Variants in P2RX1 observed in about 807,000 individuals in gnomAD.
P2RX1 encodes purinergic receptor P2X 1.
In P2RX1, 42 loss-of-function variants were observed where a neutral mutation model predicts 50.3. That is an observed-to-expected ratio of 0.83 (90% CI 0.65 to 1.08). P2RX1 has a LOEUF of 1.08. Ranked by LOEUF, P2RX1 falls within the 50% of genes least tolerant of loss-of-function variation. The pLI, the probability that P2RX1 is intolerant of heterozygous loss-of-function variation, is 0.00. For synonymous variants in P2RX1, 199 were observed against 202.6 expected, an observed-to-expected ratio of 0.98 and a Z score of 0.15; for missense variants, 449 against 529.0, an observed-to-expected ratio of 0.85 and a Z score of 1.48.
At chr17:3,908,787 C>T (rs1340674686) in intron 1 of P2RX1, among the ~76,000 whole-genome samples, 1 of 152,178 alleles carries the variant, frequency 6.6e-6, no homozygotes, top group Non-Finnish European at 1.5e-5. Flanking sequence ...ATGGCCTTCT[C>T]AAGGAAGAGG....
In P2RX1 at chr17:3,915,937, A is replaced by C. The variant is rs759314979; in HGVS notation, c.137+152T>G. 9.1e-5 allele frequency: 88 copies of C among 967,958 alleles called. No homozygotes were observed. In the East Asian group the frequency reaches 2.3e-3, roughly 25 times the overall value. 60.0% of individuals were successfully genotyped at this position (967,958 alleles called of 1,614,324 possible). On this transcript the variant is annotated intron_variant, in intron 1 of 11. Coordinates refer to ENST00000225538, the MANE Select transcript of P2RX1 (RefSeq NM_002558.4). ...CCCATCTCAACAGCGAGTTGGCAGG[A>C]TTTTCTATTCTCGCACAGTGGCTTG...
At position 3,898,553 on chromosome 17, in the gene P2RX1, G is replaced by A. The variant is rs199689368; in HGVS notation, c.967-4C>T. The A allele has an allele frequency of 6.2e-7, 1 of 1,612,954 alleles. No individual in the cohort carries two copies. The highest frequency in any genetic ancestry group is 8.5e-7 in the Non-Finnish European group (1 of 1,178,946). ...GGATGATGTCAAACTTCCCGGCCTG[G>A]TGGCAGGACCCAGGGAGAGAAGGGC... On this transcript the variant is annotated splice_region_variant and splice_polypyrimidine_tract_variant and intron_variant, in intron 9 of 11. Coordinates refer to ENST00000225538, the MANE Select transcript of P2RX1 (RefSeq NM_002558.4).
intron 8 of P2RX1, 38 bp from the exon 9 acceptor site, chr17:3,899,062 G>A: frequency 2.1e-6 from 3 of 1,456,410 alleles, no homozygotes; most frequent in South Asian, 1.1e-5. Flanking sequence ...GGTGATGGAG[G>A]GGACTGTCTT....
chr17:3,913,243 A>C (rs1177896263), intron 1 of P2RX1, among the ~76,000 whole-genome samples: 2 of 150,180 alleles, frequency 1.3e-5, no homozygotes, highest in African/African-American at 4.9e-5. Context: ...CTGCTGCCTC[A>C]GCCTCCCAAG....
At chr17:3,899,485 C>G in intron 8 of P2RX1, 149 bp downstream of exon 8, 1 of 1,050,592 alleles carries the variant, frequency 9.5e-7, no homozygotes, top group South Asian at 1.3e-5. Flanking sequence ...TCCCTGCTGG[C>G]TTCCTGCATG....
rs138831466 is a variant in P2RX1, at chr17:3,916,154, C to T, written c.72G>A (p.Val24=). The T allele has an allele frequency of 3.5e-4, 567 of 1,613,616 alleles. 3 individuals are homozygous for T. The African/African-American group carries it at 6.4e-3, about 18-fold the overall frequency. Residue 24 remains valine (V), a synonymous_variant, in exon 1 of 12, where the codon GTG becomes GTA. Coordinates refer to ENST00000225538, the MANE Select transcript of P2RX1 (RefSeq NM_002558.4). ...AGATAACGCCCACCTTCTTATTACG[C>T]ACCAGCACCATGCGGGGGGTGTCAT... is the stretch of plus-strand genomic sequence containing the variant. The part of the protein sequence containing the change: ...FEYDTPRMVL[V]RNKKVGVIFR...
rs755956410 is a variant in P2RX1, at chr17:3,903,905, T to C, written c.524+23A>G. ...TCTGGCCTGGGACCCTGTTCTTAGC[T>C]CTCTGGAAGGTCAGAGTGTTACCGC... On this transcript the variant is annotated intron_variant, in intron 5 of 11. Transcript: ENST00000225538. This position sits in a 1 kb window ranked among gnomAD's most constrained non-coding sequence, Gnocchi z 4.6. 5 of 1,587,846 alleles carry C rather than the reference T, an allele frequency of 3.1e-6. No individual in the cohort carries two copies. Among genetic ancestry groups the C allele is most frequent in the Non-Finnish European group, 4.3e-6 (5 of 1,156,008 alleles).
At chr17:3,906,693 T>G (rs562768281) in intron 1 of P2RX1, among the ~76,000 whole-genome samples, 4 of 152,196 alleles carry the variant, frequency 2.6e-5, no homozygotes, top group Non-Finnish European at 5.9e-5. Flanking sequence ...AATTCTGGCC[T>G]TGCCTTCCCA....
At chr17:3,898,242 G>C in intron 10 of P2RX1, 132 bp from the exon 11 acceptor site, 1 of 832,670 alleles carries the variant, frequency 1.2e-6, no homozygotes. Context: ...GTTTCCTGGA[G>C]GGTGGATGAG....
At chr17:3,900,963 A>C (rs888997550) in intron 7 of P2RX1, among the ~76,000 whole-genome samples, 1 of 152,224 alleles carries the variant, frequency 6.6e-6, no homozygotes, top group Admixed American at 6.5e-5. Flanking sequence ...TAGGCTGAGC[A>C]ACAGGAGAAG....
chr17:3,900,282 G>A (rs944204552), intron 7 of P2RX1, among the ~76,000 whole-genome samples: 8 of 151,586 alleles, frequency 5.3e-5, no homozygotes, highest in African/African-American at 7.3e-5. Context: ...ATGAAACCCC[G>A]TCTCTACTAA....
At chr17:3,912,609 G>A (rs2056384570) in intron 1 of P2RX1, among the ~76,000 whole-genome samples, 1 of 152,236 alleles carries the variant, frequency 6.6e-6, no homozygotes, top group African/African-American at 2.4e-5. Context: ...GGGATTACAG[G>A]CGTGAGCCAA....
chr17:3,907,551 C>T (rs777431989), intron 1 of P2RX1, among the ~76,000 whole-genome samples: 2 of 152,122 alleles, frequency 1.3e-5, no homozygotes, highest in Non-Finnish European at 2.9e-5. Flanking sequence ...GCTGCAGGCC[C>T]CAGGGAGGCC....
chr17:3,904,899 A>G lies in P2RX1; in HGVS notation c.316T>C (p.Phe106Leu). The G allele has an allele frequency of 7.4e-7, 1 of 1,351,970 alleles. No homozygotes were observed. Among genetic ancestry groups the G allele is most frequent in the Non-Finnish European group, 9.8e-7 (1 of 1,017,978 alleles). 83.7% of individuals were successfully genotyped at this position (1,351,970 alleles called of 1,614,324 possible). Residue 106 changes from phenylalanine (F) to leucine (L), a missense_variant, in exon 3 of 12, where the codon TTC becomes CTC. Physicochemically the swap from Phe to Leu is conservative, Grantham distance 22 (BLOSUM62 0). Coordinates refer to ENST00000225538, the MANE Select transcript of P2RX1 (RefSeq NM_002558.4). ...GDNSFVVMTN[F>L]IVTPKQTQGY... ...TGAGTCTGCTTCGGGGTCACGATGA[A>G]ATTGGTCATGACCACGAAGGAGTTG...
intron 9 of P2RX1, 35 bp from the exon 10 acceptor site, chr17:3,898,584 G>T (rs368837981): frequency 6.5e-7 from 1 of 1,544,800 alleles, no homozygotes. Flanking sequence ...AGGGCTAACC[G>T]TCGGAAGGGG....
In P2RX1 at chr17:3,903,107, C is replaced by T; in HGVS notation, c.747+95G>A. On this transcript the variant is annotated intron_variant, in intron 7 of 11. Transcript: ENST00000225538. This position sits in a 1 kb window ranked among gnomAD's most constrained non-coding sequence, Gnocchi z 4.6. Reference sequence around the variant, plus strand: ...GACCCATACATATACTCAGCCCTCACCGAGGAGACTTGGGAAGATGAACTG... The same window carrying T: ...GACCCATACATATACTCAGCCCTCATCGAGGAGACTTGGGAAGATGAACTG... 3 of 1,556,276 alleles carry T rather than the reference C, an allele frequency of 1.9e-6. No individual in the cohort carries two copies. The highest frequency in any genetic ancestry group is 1.1e-5 in the South Asian group (1 of 88,292).
chr17:3,906,826 C>T (rs1386260422), intron 1 of P2RX1, among the ~76,000 whole-genome samples: 1 of 152,212 alleles, frequency 6.6e-6, no homozygotes, highest in African/African-American at 2.4e-5. Flanking sequence ...AATGTTCCAT[C>T]CCCCTAGTAA....
intron 7 of P2RX1, among the ~76,000 whole-genome samples, chr17:3,901,411 G>T (rs2056144187): frequency 1.3e-5 from 2 of 152,180 alleles, no homozygotes; most frequent in Admixed American, 1.3e-4. Flanking sequence ...CTAACATTCA[G>T]CATGTGTGTT....
At chr17:3,911,451 T>G (rs552825974) in intron 1 of P2RX1, among the ~76,000 whole-genome samples, 88 of 152,358 alleles carry the variant, frequency 5.8e-4, no homozygotes, top group African/African-American at 2.0e-3. Flanking sequence ...GGGCAGAAGC[T>G]GAGCAGGGGC....
Sources: gnomAD v4.1 joint callset for allele counts (sites outside exome capture counted in the v4.1 genomes callset) on GRCh38, gnomAD v4.1.1 for gene constraint, Gnocchi (gnomAD v3.1) non-coding constraint, MANE v1.5 for transcripts, NCBI Gene and HGNC (gene_info 2026-07-23, HGNC 2026-07-21) for gene names.